WIPF2: variants seen among roughly 807,000 people sequenced by gnomAD.
WIPF2 encodes WAS/WASL-interacting protein family member 2.
Under a neutral mutation model 38.8 loss-of-function variants are expected in WIPF2, and 23 were observed. That is an observed-to-expected ratio of 0.59 (90% CI 0.43 to 0.84). WIPF2 has a LOEUF of 0.84. WIPF2 is among the 40% of genes least tolerant of loss of function. The pLI is 0.00. For synonymous variants in WIPF2, 210 were observed against 223.2 expected, an observed-to-expected ratio of 0.94 and a Z score of 0.53; for missense variants, 574 against 580.5, an observed-to-expected ratio of 0.99 and a Z score of 0.11.
Position 40,273,956 on chromosome 17 carries a change from G to A in WIPF2, c.1137G>A (p.Arg379=). The A allele has an allele frequency of 6.3e-7, 1 of 1,589,210 alleles. No individual in the cohort carries two copies. The highest frequency in any genetic ancestry group is 2.3e-5 in the East Asian group (1 of 43,102). ...CCCCTCCTCCTCCACCGCCCCTGAG[G>A]AATGGCCACAGAGATTCTATCACCA... is the stretch of plus-strand genomic sequence containing the variant. ...GPPPPPPPPL[R]NGHRDSITTV... is the part of the protein sequence containing the mutation. The change falls in exon 6 of 8, where the codon AGG becomes AGA. Residue 379 remains arginine (R), a synonymous_variant. Coordinates refer to ENST00000323571, the MANE Select transcript of WIPF2 (RefSeq NM_133264.5).
At chr17:40,275,047 C>T (rs1022251381) in intron 6 of WIPF2, among the ~76,000 whole-genome samples, 4 of 151,774 alleles carry the variant, frequency 2.6e-5, no homozygotes, top group Non-Finnish European at 4.4e-5. Context: ...TGAGACCAGC[C>T]TGGCTAACAT....
chr17:40,281,380 C>G lies in WIPF2; in HGVS notation c.*3155C>G, dbSNP rs1295134612. 1 of 152,238 alleles carries G rather than the reference C, an allele frequency of 6.6e-6. No individual in the cohort carries two copies. Among genetic ancestry groups the G allele is most frequent in the African/African-American group, 2.4e-5 (1 of 41,450 alleles). The allele number at this position is 152,238 out of a possible 1,614,324, so 9.4% of individuals were successfully genotyped here. On this transcript the variant is annotated 3_prime_UTR_variant, in exon 8 of 8. Transcript: ENST00000323571. ...AGCTAGATGCCCCTCTTCCTCTTCT[C>G]TGGTCACTGAACCTGGACCAAAGCA...
intron 1 of WIPF2, among the ~76,000 whole-genome samples, chr17:40,249,511 G>T (rs557961362): frequency 7.3e-4 from 110 of 151,324 alleles, no homozygotes; most frequent in Middle Eastern, 3.4e-3. Flanking sequence ...GTGCAATGGC[G>T]CAATCTTGGC....
chr17:40,233,689 C>G (rs2030841956), intron 1 of WIPF2, among the ~76,000 whole-genome samples: 1 of 152,066 alleles, frequency 6.6e-6, no homozygotes, highest in Admixed American at 6.6e-5. Flanking sequence ...CCTGTAATCC[C>G]AGCACTTTAG....
At chr17:40,252,768 G>GC (rs2031598480) in intron 1 of WIPF2, among the ~76,000 whole-genome samples, 1 of 151,322 alleles carries the variant, frequency 6.6e-6, no homozygotes, top group East Asian at 1.9e-4. Flanking sequence ...TGGTTTGTTT[G>GC]GTTTTTTTTT....
At chr17:40,269,987 A>C (rs2032201361) in intron 5 of WIPF2, among the ~76,000 whole-genome samples, 1 of 152,112 alleles carries the variant, frequency 6.6e-6, no homozygotes, top group Non-Finnish European at 1.5e-5. Flanking sequence ...TGGATTACAA[A>C]AGCCTGTCTC....
At chr17:40,274,036 C>G (rs577792034) in intron 6 of WIPF2, 37 bp downstream of exon 6, 1 of 1,482,308 alleles carries the variant, frequency 6.7e-7, no homozygotes, top group African/African-American at 1.4e-5. Flanking sequence ...ATGGTTCCTG[C>G]GGTGACTTCA....
intron 2 of WIPF2, 78 bp from the exon 3 acceptor site, chr17:40,260,457 G>A (rs2031861093): frequency 1.3e-6 from 2 of 1,553,084 alleles, no homozygotes; most frequent in Non-Finnish European, 1.7e-6. Context: ...AAAGTGTTGG[G>A]ATTACAGGCG....
intron 5 of WIPF2, among the ~76,000 whole-genome samples, chr17:40,269,934 A>C (rs1262060421): frequency 6.6e-6 from 1 of 151,992 alleles, no homozygotes; most frequent in East Asian, 2.0e-4. Flanking sequence ...GAATTTGAGA[A>C]AAATAGAAAC....
chr17:40,239,046 T>TTTTATTTATTTATTTA lies in WIPF2; in HGVS notation c.-69-17317_-69-17302dup, dbSNP rs57564513. On this transcript the variant is annotated intron_variant, in intron 1 of 7. Coordinates refer to ENST00000323571, the MANE Select transcript of WIPF2 (RefSeq NM_133264.5). ...CTGTGTCTGGCTTCTGTTTATTTTA[T>TTTTATTTATTTATTTA]TTTATTTATTTATTTATTTATTTAT... Among the ~76,000 whole-genome samples the TTTTATTTATTTATTTA allele has an allele frequency of 8.6e-4, 119 of 138,814 alleles. 1 individual carries two copies. Among genetic ancestry groups the TTTTATTTATTTATTTA allele is most frequent in the African/African-American group, 2.1e-3 (75 of 36,430 alleles). The allele number at this position is 138,814 out of a possible 152,430, so 91.1% of individuals were successfully genotyped here.
At chr17:40,276,642 C>T (rs549764187) in intron 6 of WIPF2, among the ~76,000 whole-genome samples, 5 of 151,272 alleles carry the variant, frequency 3.3e-5, no homozygotes, top group Admixed American at 1.3e-4. Flanking sequence ...TCAGGCTAGG[C>T]GTGGTTCACA....
At chr17:40,243,570 A>G (rs561286934) in intron 1 of WIPF2, among the ~76,000 whole-genome samples, 18 of 151,594 alleles carry the variant, frequency 1.2e-4, no homozygotes, top group Non-Finnish European at 1.6e-4. Flanking sequence ...CTGGAGTGCA[A>G]TGGTGCCATC....
rs1234348149 is a variant in WIPF2 at position 40,281,912 on chromosome 17, A to G, written c.*3687A>G. On this transcript the variant is annotated 3_prime_UTR_variant, in exon 8 of 8. Coordinates refer to ENST00000323571, the MANE Select transcript of WIPF2 (RefSeq NM_133264.5). Reference sequence around the variant, plus strand: ...CAACCTGCAATCAACTGCAAATCAAATTCTTCACATTCCAGCTACAGTCTT... The same window carrying G: ...CAACCTGCAATCAACTGCAAATCAAGTTCTTCACATTCCAGCTACAGTCTT... 1 of 152,426 alleles carries G rather than the reference A, an allele frequency of 6.6e-6. No individual in the cohort carries two copies. The highest frequency in any genetic ancestry group is 1.5e-5 in the Non-Finnish European group (1 of 68,042). The allele number at this position is 152,426 out of a possible 1,614,324, so 9.4% of individuals were successfully genotyped here.
At position 40,280,429 on chromosome 17, in the gene WIPF2, A is replaced by C. The variant is rs2145424853; in HGVS notation, c.*2204A>C. 1 of 153,258 alleles carries C rather than the reference A, an allele frequency of 6.5e-6. No individual in the cohort carries two copies. The highest frequency in any genetic ancestry group is 1.9e-4 in the East Asian group (1 of 5,222). 9.5% of individuals were successfully genotyped at this position (153,258 alleles called of 1,614,324 possible). On this transcript the variant is annotated 3_prime_UTR_variant, in exon 8 of 8. Coordinates refer to ENST00000323571, the MANE Select transcript of WIPF2 (RefSeq NM_133264.5). The stretch of plus-strand genomic sequence containing the variant: ...GGTTGCAGTGAGTGGAGATGGCGCC[A>C]CTGCGCTCCAGCCCGGGTGACAGAG...
intron 1 of WIPF2, among the ~76,000 whole-genome samples, chr17:40,228,750 TC>T (rs2145284064): frequency 6.6e-6 from 1 of 152,088 alleles, no homozygotes; most frequent in East Asian, 1.9e-4. Context: ...CACCTCAGCC[TC>T]CTGTGTAGCT....
chr17:40,271,480 G>C (rs1274611145), intron 5 of WIPF2, among the ~76,000 whole-genome samples: 1 of 151,856 alleles, frequency 6.6e-6, no homozygotes, highest in Non-Finnish European at 1.5e-5. Context: ...CTTTAACCTG[G>C]GTGACAGAGT....
intron 1 of WIPF2, among the ~76,000 whole-genome samples, chr17:40,229,451 C>T (rs1233010214): frequency 6.8e-6 from 1 of 146,380 alleles, no homozygotes; most frequent in Non-Finnish European, 1.5e-5. Flanking sequence ...TAGACAGAGT[C>T]TAGCTCTATT....
At chr17:40,274,872 A>G (rs2032347658) in intron 6 of WIPF2, among the ~76,000 whole-genome samples, 2 of 149,972 alleles carry the variant, frequency 1.3e-5, no homozygotes, top group East Asian at 2.0e-4. Flanking sequence ...TTGAGGCTGC[A>G]GCAAACCATT....
chr17:40,235,377 G>T (rs1282674621), intron 1 of WIPF2, among the ~76,000 whole-genome samples: 2 of 152,058 alleles, frequency 1.3e-5, no homozygotes, highest in African/African-American at 4.8e-5. Flanking sequence ...TTACTTCCTT[G>T]TGTAGTTTTT....
Sources: allele counts gnomAD v4.1 joint callset (sites outside exome capture counted in the v4.1 genomes callset), GRCh38; gene constraint gnomAD v4.1.1; transcripts MANE v1.5; gene names NCBI Gene and HGNC (gene_info 2026-07-23, HGNC 2026-07-21).